CEACAM19: variants seen among roughly 807,000 people sequenced by gnomAD.
CEACAM19 encodes the protein CEA cell adhesion molecule 19, also known as cell adhesion molecule CEACAM19.
A neutral mutation model predicts 37.6 loss-of-function variants in CEACAM19; 37 were observed. That is an observed-to-expected ratio of 0.98 (90% CI 0.76 to 1.29). The LOEUF is 1.29. Ranked by LOEUF, CEACAM19 falls within the 50% of genes most tolerant of loss-of-function variation. The probability of loss-of-function intolerance (pLI) is 0.00; values close to 1 mark genes in which losing one functional copy is unlikely to be tolerated. For missense variants in CEACAM19, 340 were observed against 375.6 expected (o/e 0.91, Z 0.78); for synonymous variants, 140 against 149.8 (o/e 0.93, Z 0.48).
rs1236227759 is a variant in CEACAM19 at position 44,672,815 on chromosome 19, G to C, written c.275G>C (p.Ser92Thr). Reference sequence around the variant, plus strand: ...ATACAACGGCCTCAGAGGGATGGCAGTGCCATGGGACAGCGAGACATCGTG... The same window carrying C: ...ATACAACGGCCTCAGAGGGATGGCACTGCCATGGGACAGCGAGACATCGTG... ...PGIQRPQRDG[S>T]AMGQRDIVGF... The change falls in exon 2 of 8, where the codon AGT becomes ACT. Residue 92 changes from serine to threonine, a missense_variant. Physicochemically the swap from Ser to Thr is moderately conservative, Grantham distance 58. Transcript: ENST00000358777. 1 of 1,597,266 alleles carries C rather than the reference G, an allele frequency of 6.3e-7. No individual in the cohort carries two copies. The highest frequency in any genetic ancestry group is 8.5e-7 in the Non-Finnish European group (1 of 1,170,540).
At chr19:44,669,781 G>T (rs1237903706), upstream of CEACAM19, among the ~76,000 whole-genome samples, 1 of 152,132 alleles carries the variant, frequency 6.6e-6, no homozygotes, top group Non-Finnish European at 1.5e-5. Flanking sequence ...CTAGCCGTCA[G>T]GTTGAATGAG....
Position 44,672,703 on chromosome 19 carries a change from G to A in CEACAM19, c.163G>A (p.Gly55Ser). 1 of 1,576,920 alleles carries A rather than the reference G, an allele frequency of 6.3e-7. No homozygotes were observed. Among genetic ancestry groups the A allele is most frequent in the Non-Finnish European group, 8.6e-7 (1 of 1,160,556 alleles). Residue 55 changes from glycine to serine, a missense_variant, in exon 2 of 8, where the codon GGT becomes AGT. Physicochemically the swap from Gly to Ser is moderately conservative, Grantham distance 56. Transcript: ENST00000358777. The stretch of plus-strand genomic sequence containing the variant: ...CCAGGACCTTCTCCTGTCAGTCCAG[G>A]GTGTCCCAGACACCTTCCAGGACTT... Reference protein sequence around the residue: ...KNQDLLLSVQGVPDTFQDFNW... With the variant: ...KNQDLLLSVQSVPDTFQDFNW...
At chr19:44,675,622 C>T (rs1378212965) in intron 2 of CEACAM19, among the ~76,000 whole-genome samples, 2 of 151,836 alleles carry the variant, frequency 1.3e-5, no homozygotes, top group Non-Finnish European at 2.9e-5. Flanking sequence ...CCCTTCTTTA[C>T]AAAAAATTTA....
At chr19:44,679,688 T>G (rs1715651924) in intron 4 of CEACAM19, among the ~76,000 whole-genome samples, 1 of 148,248 alleles carries the variant, frequency 6.7e-6, no homozygotes, top group Non-Finnish European at 1.5e-5. Flanking sequence ...GGCGGAGCTT[T>G]TAGTGAGCCG....
At chr19:44,667,704 T>A (rs1361362752), upstream of CEACAM19, among the ~76,000 whole-genome samples, 1 of 78,028 alleles carries the variant, frequency 1.3e-5, no homozygotes, top group African/African-American at 5.7e-5. Context: ...TAATATATAT[T>A]ATATAAATAT....
chr19:44,675,097 C>CGTGTGT (rs59147604), intron 2 of CEACAM19, among the ~76,000 whole-genome samples: 17,449 of 143,762 alleles, frequency 0.12, 1,085 homozygotes, highest in East Asian at 0.19. Flanking sequence ...CAGAGAACAG[C>CGTGTGT]GTGTGTGTGT....
Position 44,680,271 on chromosome 19 carries a change from C to T in CEACAM19, c.660-17C>T. 4.4e-6 allele frequency: 7 copies of T among 1,606,022 alleles called. No homozygotes were observed. The highest frequency in any genetic ancestry group is 5.1e-6 in the Non-Finnish European group (6 of 1,176,036). ...TGTCTCTCTATCCTAATATCAATTC[C>T]CTCTATGTGTCCCCAGGATGGCGAC... On this transcript the variant is annotated splice_polypyrimidine_tract_variant and intron_variant, in intron 4 of 7. Transcript: ENST00000358777.
intron 1 of CEACAM19, 60 bp from the exon 2 acceptor site, chr19:44,672,536 A>C: frequency 1.4e-6 from 2 of 1,421,498 alleles, no homozygotes; most frequent in African/African-American, 1.5e-5. Context: ...TCTAGAGAGG[A>C]GCATGCCATG....
upstream of CEACAM19, among the ~76,000 whole-genome samples, chr19:44,668,486 T>A (rs1315156581): frequency 6.9e-4 from 41 of 59,416 alleles, 1 homozygote; most frequent in African/African-American, 3.4e-3. Context: ...ATATATATAT[T>A]ATATATATTA....
At chr19:44,667,583 A>G (rs1239048688), upstream of CEACAM19, among the ~76,000 whole-genome samples, 1 of 110,040 alleles carries the variant, frequency 9.1e-6, no homozygotes, top group Non-Finnish European at 1.8e-5. Context: ...TAAATTATAT[A>G]TGTATATATT....
At position 44,684,118 on chromosome 19, in the gene CEACAM19, G is replaced by A. The variant is rs1974115110; in HGVS notation, c.*628G>A. ...TGGCCCCCACCCTGAATCTTACTGA[G>A]TCCCTCTGGGCAGCAGCTCCCTTCT... On this transcript the variant is annotated 3_prime_UTR_variant, in exon 8 of 8. Coordinates refer to ENST00000358777, the MANE Select transcript of CEACAM19 (RefSeq NM_001127893.3). The A allele has an allele frequency of 6.6e-6, 1 of 152,346 alleles. No individual in the cohort carries two copies. The highest frequency in any genetic ancestry group is 1.5e-5 in the Non-Finnish European group (1 of 68,202). The allele number at this position is 152,346 out of a possible 1,614,324, so 9.4% of individuals were successfully genotyped here. A position where few individuals can be genotyped will look rare whatever the true frequency, so the allele number is the denominator to read the frequency against.
intron 2 of CEACAM19, among the ~76,000 whole-genome samples, chr19:44,674,489 C>T (rs929202029): frequency 6.6e-6 from 1 of 151,986 alleles, no homozygotes; most frequent in Non-Finnish European, 1.5e-5. Context: ...TAACCTCCAC[C>T]TCCTGGGCTC....
chr19:44,683,007 C>A, intron 7 of CEACAM19: 1 of 265,378 alleles, frequency 3.8e-6, no homozygotes, highest in Non-Finnish European at 7.1e-6. Context: ...CTGTCTCTCT[C>A]TCTCAGTGGC....
chr19:44,680,330 T>C lies in CEACAM19; in HGVS notation c.702T>C (p.Asp234=). The change falls in exon 5 of 8, where the codon GAT becomes GAC. Residue 234 remains aspartate, a synonymous_variant. Transcript: ENST00000358777. ...AGCCAGAATTGGGCCCTGCTCATGA[T>C]GCTGGTAAGGCGGGAGCCCCAGATC... is the stretch of plus-strand genomic sequence containing the variant. ...TEKPELGPAH[D]AGDNNIYEVM... The C allele has an allele frequency of 6.2e-7, 1 of 1,610,154 alleles. No homozygotes were observed. The highest frequency in any genetic ancestry group is 8.5e-7 in the Non-Finnish European group (1 of 1,179,212).
At chr19:44,669,653 C>T (rs192371390), upstream of CEACAM19, among the ~76,000 whole-genome samples, 17 of 152,196 alleles carry the variant, frequency 1.1e-4, no homozygotes, top group African/African-American at 3.6e-4. Context: ...CCTCCACATC[C>T]TTGCATTGCT....
At chr19:44,675,132 G>GTA (rs1390754124) in intron 2 of CEACAM19, among the ~76,000 whole-genome samples, 4 of 150,464 alleles carry the variant, frequency 2.7e-5, no homozygotes, top group Non-Finnish European at 4.4e-5. Flanking sequence ...GTGTGTGTGT[G>GTA]TGTGTATTTC....
At chr19:44,667,271 A>C (rs1973729622), upstream of CEACAM19, 1 of 151,398 alleles carries the variant, frequency 6.6e-6, no homozygotes, top group African/African-American at 2.4e-5. Flanking sequence ...TCTCTTCCTG[A>C]TGGACCTCAC....
At chr19:44,676,178 A>C in intron 2 of CEACAM19, 93 bp from the exon 3 acceptor site, 1 of 1,294,770 alleles carries the variant, frequency 7.7e-7, no homozygotes, top group Non-Finnish European at 1.1e-6. Context: ...TCAGTTCTCC[A>C]TGCAGTCACT....
rs760847539 is a variant in CEACAM19, at chr19:44,678,937, G to C, written c.659+1G>C. On this transcript the variant is annotated splice_donor_variant, in intron 4 of 7. Transcript: ENST00000358777. LOFTEE classifies it high-confidence loss of function. Reference sequence around the variant, plus strand: ...TGCCTTCAGTGACGCCCAGCACATGGTTGGTGCTTGTAAATACTTATTTAG... The same window carrying C: ...TGCCTTCAGTGACGCCCAGCACATGCTTGGTGCTTGTAAATACTTATTTAG... 7 of 1,613,822 alleles carry C rather than the reference G, an allele frequency of 4.3e-6. No individual in the cohort carries two copies. The South Asian group carries it at 7.7e-5, about 18-fold the overall frequency.
Sources: allele counts gnomAD v4.1 joint callset (sites outside exome capture counted in the v4.1 genomes callset), GRCh38; gene constraint gnomAD v4.1.1; transcripts MANE v1.5; gene names NCBI Gene and HGNC (gene_info 2026-07-23, HGNC 2026-07-21).